The following PRUNE2 variants were observed in gnomAD, a reference collection of about 807,000 sequenced individuals.
PRUNE2 encodes protein prune homolog 2.
A neutral mutation model predicts 252.0 loss-of-function variants in PRUNE2; 164 were observed. The ratio of observed to expected loss-of-function variants is 0.65; its 90% CI spans 0.57 to 0.74. The LOEUF (loss-of-function observed/expected upper bound fraction) is 0.74. PRUNE2 is among the 30% of genes least tolerant of loss of function. The pLI is 0.00. For synonymous variants in PRUNE2, 1,292 were observed against 1,350.2 expected (o/e 0.96, Z 0.94); for missense variants, 3,495 against 3,711.0 (o/e 0.94, Z 1.51).
chr9:76,694,560 G>A lies in PRUNE2; in HGVS notation c.8276+8777C>T, dbSNP rs1187977205. Among the ~76,000 whole-genome samples the A allele has an allele frequency of 7.9e-5, 12 of 152,220 alleles. No homozygotes were observed. In the East Asian group the frequency reaches 1.9e-3, roughly 24 times the overall value. On this transcript the variant is annotated intron_variant, in intron 9 of 18. Transcript: ENST00000376718. ...CACAGTGATTAAGTTATTGTCATCA[G>A]GCCAATCATAGATACCTTAAAAACA...
chr9:76,622,658 G>C (rs1168403962), intron 17 of PRUNE2, among the ~76,000 whole-genome samples: 1 of 152,190 alleles, frequency 6.6e-6, no homozygotes, highest in African/African-American at 2.4e-5. Flanking sequence ...AGCAATTTGA[G>C]TGCAGGTAAA....
chr9:76,699,310 G>A (rs116753234), intron 9 of PRUNE2, among the ~76,000 whole-genome samples: 1,963 of 152,060 alleles, frequency 0.013, 41 homozygotes, highest in African/African-American at 0.043. Flanking sequence ...GATAGTTAAT[G>A]TTTATGTTTC....
Position 76,835,354 on chromosome 9 carries a change from A to C in PRUNE2, c.509-8622T>G, listed in dbSNP as rs369678513. 1.5e-4 allele frequency among the ~76,000 whole-genome samples: 23 copies of C among 152,210 alleles called. No individual in the cohort carries two copies. The South Asian group carries it at 4.4e-3, about 29-fold the overall frequency. On this transcript the variant is annotated intron_variant, in intron 4 of 18. Transcript: ENST00000376718. ...CATATTGAAAAAAAAGTAAGGAATG[A>C]ATAACAGAGAGAAAGAGGGAGGAGG...
At chr9:76,871,037 G>C (rs776870596) in intron 1 of PRUNE2, among the ~76,000 whole-genome samples, 11 of 152,148 alleles carry the variant, frequency 7.2e-5, no homozygotes, top group African/African-American at 9.7e-5. Flanking sequence ...CCCTGTGTGG[G>C]AATCCTACGT....
intron 11 of PRUNE2, 98 bp downstream of exon 11, chr9:76,652,382 AAAT>A (rs1588173079): frequency 1.3e-6 from 1 of 797,812 alleles, no homozygotes; most frequent in African/African-American, 1.7e-5. Flanking sequence ...AAGCTTCTAG[AAAT>A]CACAAAAAGG....
chr9:76,645,896 T>C (rs529173814), intron 11 of PRUNE2, among the ~76,000 whole-genome samples: 4 of 152,242 alleles, frequency 2.6e-5, no homozygotes, highest in Non-Finnish European at 5.9e-5. Flanking sequence ...AACAGCACTA[T>C]TGTGTTAAGT....
chr9:76,900,531 G>T (rs55708679), intron 1 of PRUNE2, among the ~76,000 whole-genome samples: 14,256 of 152,202 alleles, frequency 0.094, 880 homozygotes, highest in East Asian at 0.22. Flanking sequence ...ACGAATGACT[G>T]TGCAGGTTGT....
chr9:76,659,120 C>T (rs1367707041), intron 9 of PRUNE2, among the ~76,000 whole-genome samples: 2 of 152,102 alleles, frequency 1.3e-5, no homozygotes, highest in Admixed American at 6.5e-5. Flanking sequence ...GCAGAGGCCT[C>T]GATGAAAGCT....
At chr9:76,650,509 CAA>C (rs1846965787) in intron 11 of PRUNE2, among the ~76,000 whole-genome samples, 1 of 152,090 alleles carries the variant, frequency 6.6e-6, no homozygotes, top group African/African-American at 2.4e-5. Flanking sequence ...CTTCAGAACT[CAA>C]ACATATTTAT....
chr9:76,850,620 T>C lies in PRUNE2; in HGVS notation c.187A>G (p.Arg63Gly). ...TCGGTGAAGTAGTTGAATTCAGTTCTTGGTATGTTCAGCACTGGTAAACAC... is the reference window on the plus strand; with the variant it reads ...TCGGTGAAGTAGTTGAATTCAGTTCCTGGTATGTTCAGCACTGGTAAACAC... Reference protein sequence around the residue: ...VLCLPVLNIPRTEFNYFTETR... With the variant: ...VLCLPVLNIPGTEFNYFTETR... The change falls in exon 3 of 19, where the codon AGA (arginine) becomes GGA (glycine). Residue 63 changes from arginine to glycine, a missense_variant. Transcript: ENST00000376718. The C allele has an allele frequency of 6.2e-7, 1 of 1,614,166 alleles. No homozygotes were observed. Among genetic ancestry groups the C allele is most frequent in the South Asian group, 1.1e-5 (1 of 91,078 alleles).
Position 76,845,172 on chromosome 9 carries a change from A to G in PRUNE2, c.508+1343T>C, listed in dbSNP as rs59401401. ...CTGAATATCATTGTTATCACTACCA[A>G]TAACAGTCATATCTTTGTGCCAATG... is the stretch of plus-strand genomic sequence containing the variant. On this transcript the variant is annotated intron_variant, in intron 4 of 18. Coordinates refer to ENST00000376718, the MANE Select transcript of PRUNE2 (RefSeq NM_015225.3). 5.7e-3 allele frequency among the ~76,000 whole-genome samples: 867 copies of G among 152,282 alleles called. 14 individuals carry two copies. Among genetic ancestry groups the G allele is most frequent in the African/African-American group, 0.02 (823 of 41,566 alleles).
intron 4 of PRUNE2, among the ~76,000 whole-genome samples, chr9:76,844,830 A>G (rs1259256427): frequency 1.3e-5 from 2 of 152,070 alleles, no homozygotes; most frequent in Non-Finnish European, 2.9e-5. Flanking sequence ...TCCCAATGCC[A>G]CTTCAAGCCT....
At chr9:76,677,187 A>G (rs1238718655) in intron 9 of PRUNE2, among the ~76,000 whole-genome samples, 2 of 152,126 alleles carry the variant, frequency 1.3e-5, no homozygotes, top group Non-Finnish European at 2.9e-5. Flanking sequence ...CTCTTTTGCA[A>G]TGGTCTTTTC....
Position 76,636,551 on chromosome 9 carries a change from C to T in PRUNE2, c.8970G>A (p.Arg2990=). The change falls in exon 15 of 19, where the codon AGG becomes AGA. Residue 2990 remains arginine (R), a synonymous_variant. Coordinates refer to ENST00000376718, the MANE Select transcript of PRUNE2 (RefSeq NM_015225.3). The part of the protein sequence containing the change: ...KCYQMIDRRL[R]KNLKSFIIVH... ...CAATGATGAATGATTTCAAATTCTT[C>T]CTCAACCTATTTTGAAAAAAGAAAA... The T allele has an allele frequency of 2.6e-6, 4 of 1,541,548 alleles. No individual in the cohort carries two copies. Among genetic ancestry groups the T allele is most frequent in the Non-Finnish European group, 3.5e-6 (4 of 1,136,600 alleles).
chr9:76,793,768 A>C (rs1589261032), intron 6 of PRUNE2, among the ~76,000 whole-genome samples: 1 of 152,128 alleles, frequency 6.6e-6, no homozygotes, highest in Admixed American at 6.5e-5. Context: ...GAAAAAAAAA[A>C]GGCTCAGAGA....
rs942000728 is a variant in PRUNE2, at chr9:76,626,668, T to C, written c.9150-2178A>G. Among the ~76,000 whole-genome samples, 10 of 152,226 alleles carry C rather than the reference T, an allele frequency of 6.6e-5. No individual in the cohort carries two copies. In the South Asian group the frequency reaches 1.7e-3, roughly 25 times the overall value. On this transcript the variant is annotated intron_variant, in intron 16 of 18. Transcript: ENST00000376718. Reference sequence around the variant, plus strand: ...TCCTAGGTATACTTAACTTCTCATTTGAACTTTCCCATATGATGGAGAGTC... The same window carrying C: ...TCCTAGGTATACTTAACTTCTCATTCGAACTTTCCCATATGATGGAGAGTC...
chr9:76,770,068 C>T (rs1289554422), intron 6 of PRUNE2, among the ~76,000 whole-genome samples: 3 of 152,070 alleles, frequency 2.0e-5, no homozygotes, highest in African/African-American at 2.4e-5. Context: ...AATATCAGGA[C>T]CTTGCCAATT....
intron 13 of PRUNE2, 39 bp from the exon 14 acceptor site, chr9:76,637,588 C>T: frequency 6.3e-7 from 1 of 1,585,972 alleles, no homozygotes; most frequent in Non-Finnish European, 8.6e-7. Context: ...TCAGTTCCCA[C>T]ATCCTATTGA....
chr9:76,772,477 A>T (rs1274297353), intron 6 of PRUNE2, among the ~76,000 whole-genome samples: 3 of 152,192 alleles, frequency 2.0e-5, no homozygotes, highest in African/African-American at 7.2e-5. Context: ...GCAAACTCTT[A>T]AAGGAAACCA....
Sources: gnomAD v4.1 joint callset for allele counts (sites outside exome capture counted in the v4.1 genomes callset) on GRCh38, gnomAD v4.1.1 for gene constraint, MANE v1.5 for transcripts, NCBI Gene and HGNC (gene_info 2026-07-23, HGNC 2026-07-21) for gene names.